Variants in PLA1A observed in about 807,000 individuals in gnomAD.
PLA1A encodes phospholipase A1 member A.
Under a neutral mutation model 49.4 loss-of-function variants are expected in PLA1A, and 47 were observed. The observed-to-expected ratio is 0.95, with a 90% CI of 0.75 to 1.21. PLA1A has a LOEUF of 1.21. Among genes scored for constraint, PLA1A ranks in the 50% most tolerant of loss-of-function variants. PLA1A has a pLI of 0.00. For missense variants in PLA1A, 561 were observed against 563.9 expected, an observed-to-expected ratio of 0.99 and a Z score of 0.05; for synonymous variants, 224 against 207.9, an observed-to-expected ratio of 1.08 and a Z score of -0.67.
At chr3:119,617,874 T>G in intron 6 of PLA1A, 145 bp from the exon 7 acceptor site, 1 of 575,242 alleles carries the variant, frequency 1.7e-6, no homozygotes. Flanking sequence ...CCATGTACAC[T>G]AATATTCTGA....
chr3:119,601,094 A>G (rs1475067544), intron 1 of PLA1A, among the ~76,000 whole-genome samples: 1 of 152,202 alleles, frequency 6.6e-6, no homozygotes, highest in Non-Finnish European at 1.5e-5. Flanking sequence ...ATTTGATAAC[A>G]AAGTGTCTGA....
At chr3:119,606,612 T>A (rs1309972416) in intron 1 of PLA1A, among the ~76,000 whole-genome samples, 162 bp from the exon 2 acceptor site, 1 of 152,222 alleles carries the variant, frequency 6.6e-6, no homozygotes, top group Non-Finnish European at 1.5e-5. Flanking sequence ...ACAGAAGTGA[T>A]GAAGGCTGTA....
intron 7 of PLA1A, among the ~76,000 whole-genome samples, chr3:119,618,707 T>G (rs966515076): frequency 3.3e-5 from 5 of 152,118 alleles, no homozygotes; most frequent in African/African-American, 4.8e-5. Context: ...GGCTGCAGGA[T>G]CTGGCCTCTA....
chr3:119,612,055 A>G (rs2688647), intron 4 of PLA1A, among the ~76,000 whole-genome samples: 40,601 of 152,020 alleles, frequency 0.27, 7,304 homozygotes, highest in African/African-American at 0.49. Context: ...GGAGTTGTGT[A>G]GCAAAAACCC....
chr3:119,600,359 G>T lies in PLA1A; in HGVS notation c.73+2373G>T, dbSNP rs557824386. 2.8e-5 allele frequency: 20 copies of T among 702,764 alleles called. No homozygotes were observed. The African/African-American group carries it at 3.3e-4, about 12-fold the overall frequency. The allele number at this position is 702,764 out of a possible 1,614,324, so 43.5% of individuals were successfully genotyped here. On this transcript the variant is annotated intron_variant, in intron 1 of 10. Coordinates refer to ENST00000273371, the MANE Select transcript of PLA1A (RefSeq NM_015900.4). ...GCCCTTGAGCTTCCAGGCTGGCTCA[G>T]GCGTCCTCTCCTCCAGGTGGATGCA... is the stretch of plus-strand genomic sequence containing the variant.
chr3:119,622,374 C>T (rs1208125778), intron 8 of PLA1A, among the ~76,000 whole-genome samples: 3 of 152,170 alleles, frequency 2.0e-5, no homozygotes, highest in Non-Finnish European at 4.4e-5. Flanking sequence ...TCCAGTTCAG[C>T]CCTTGCCCGT....
intron 8 of PLA1A, among the ~76,000 whole-genome samples, chr3:119,621,329 G>T (rs1456502514): frequency 6.6e-6 from 1 of 152,230 alleles, no homozygotes; most frequent in African/African-American, 2.4e-5. Flanking sequence ...GCGTAGCCCT[G>T]TTGGTTCCAA....
chr3:119,599,115 T>C (rs530251150), intron 1 of PLA1A, among the ~76,000 whole-genome samples: 19 of 152,234 alleles, frequency 1.2e-4, no homozygotes, highest in African/African-American at 4.3e-4. Flanking sequence ...TCTGTCTGGG[T>C]CGGGCTAACC....
chr3:119,597,906 G>C lies in PLA1A; in HGVS notation c.-8G>C. 2 of 1,598,084 alleles carry C rather than the reference G, an allele frequency of 1.3e-6. No individual in the cohort carries two copies. Reference sequence around the variant, plus strand: ...CTCCATACCAGCTCTGAGATTTCCAGCTCAGCGATGCCCCCAGGTCCCTGG... The same window carrying C: ...CTCCATACCAGCTCTGAGATTTCCACCTCAGCGATGCCCCCAGGTCCCTGG... On this transcript the variant is annotated 5_prime_UTR_variant, in exon 1 of 11. Coordinates refer to ENST00000273371, the MANE Select transcript of PLA1A (RefSeq NM_015900.4).
Position 119,600,291 on chromosome 3 carries a change from T to C in PLA1A, c.73+2305T>C. On this transcript the variant is annotated intron_variant, in intron 1 of 10. Transcript: ENST00000273371. ...ACCCCAGTCACACCTAGTTTTTCCT[T>C]GGACTGTGGAGCTTTAGATTGTTGA... 3 of 679,246 alleles carry C rather than the reference T, an allele frequency of 4.4e-6. No individual in the cohort carries two copies. The South Asian group carries it at 4.7e-5, about 11-fold the overall frequency. 42.1% of individuals were successfully genotyped at this position (679,246 alleles called of 1,614,324 possible).
chr3:119,600,481 G>T, intron 1 of PLA1A: 2 of 691,938 alleles, frequency 2.9e-6, no homozygotes, highest in Non-Finnish European at 5.3e-6. Flanking sequence ...TTGCTGTGGG[G>T]CCTGCTTATT....
intron 4 of PLA1A, among the ~76,000 whole-genome samples, chr3:119,612,100 G>A (rs2082771261): frequency 6.6e-6 from 1 of 152,154 alleles, no homozygotes; most frequent in Non-Finnish European, 1.5e-5. Context: ...ATAATTTTGG[G>A]TCTTGTTTTA....
chr3:119,623,445 C>T (rs746099162), intron 8 of PLA1A, among the ~76,000 whole-genome samples: 6 of 152,164 alleles, frequency 3.9e-5, no homozygotes, highest in Non-Finnish European at 7.4e-5. Flanking sequence ...CTATGCCTGG[C>T]CTGTAATCTT....
rs745470509 is a variant in PLA1A, at chr3:119,606,926, T to C, written c.226T>C (p.Ser76Pro). ...LVEGSSDLQN[S>P]GFNATLGTKL... ...AGAAGGAAGCAGTGACCTCCAAAAC[T>C]CTGGGTTCAATGCCACTCTGGGAAC... The change falls in exon 2 of 11, where the codon TCT becomes CCT. Residue 76 changes from serine to proline, a missense_variant. By Grantham distance (74) the Ser-to-Pro change is moderately conservative. Coordinates refer to ENST00000273371, the MANE Select transcript of PLA1A (RefSeq NM_015900.4). 1.2e-6 allele frequency: 2 copies of C among 1,614,064 alleles called. No homozygotes were observed. Among genetic ancestry groups the C allele is most frequent in the Admixed American group, 3.3e-5 (2 of 60,006 alleles).
rs1577156391 is a variant in PLA1A, at chr3:119,625,293, A to G, written c.1121+61A>G. 4.8e-6 allele frequency: 5 copies of G among 1,032,070 alleles called. No homozygotes were observed. In the East Asian group the frequency reaches 1.2e-4, roughly 25 times the overall value. The allele number at this position is 1,032,070 out of a possible 1,614,324, so 63.9% of individuals were successfully genotyped here. On this transcript the variant is annotated intron_variant, in intron 9 of 10. Coordinates refer to ENST00000273371, the MANE Select transcript of PLA1A (RefSeq NM_015900.4). ...TAGGAGTTGGTTACTTTTTCATTTT[A>G]CACACATGGACATCCCAGGTCAGGG...
At chr3:119,614,577 G>C (rs147133748) in intron 5 of PLA1A, among the ~76,000 whole-genome samples, 387 of 137,760 alleles carry the variant, frequency 2.8e-3, no homozygotes, top group African/African-American at 0.01. Flanking sequence ...CTGCACTCCA[G>C]CCTGGGTGAC....
At chr3:119,606,737 C>T (rs112200777) in intron 1 of PLA1A, 37 bp from the exon 2 acceptor site, 25 of 1,546,624 alleles carry the variant, frequency 1.6e-5, no homozygotes, top group Admixed American at 8.4e-5. Flanking sequence ...GATGACCTCA[C>T]CTTGGATGTT....
chr3:119,629,441 C>A lies in PLA1A; in HGVS notation c.1344C>A (p.Ser448=). 3 of 1,609,606 alleles carry A rather than the reference C, an allele frequency of 1.9e-6. No homozygotes were observed. The highest frequency in any genetic ancestry group is 2.6e-6 in the Non-Finnish European group (3 of 1,176,300). ...PVNLQASVTV[S]CDLKIACV The stretch of plus-strand genomic sequence containing the variant: ...ACTTACAAGCAAGTGTGACTGTTTC[C>A]TGTGACCTGAAGATAGCCTGTGTGT... Residue 448 remains serine (S), a synonymous_variant, in exon 11 of 11, where the codon TCC becomes TCA. Transcript: ENST00000273371.
At chr3:119,627,371 G>A (rs942301851) in intron 9 of PLA1A, among the ~76,000 whole-genome samples, 4 of 152,044 alleles carry the variant, frequency 2.6e-5, no homozygotes, top group Non-Finnish European at 5.9e-5. Flanking sequence ...CATATTCCTT[G>A]TATTTTACAA....
Sources: gnomAD v4.1 joint callset for allele counts (sites outside exome capture counted in the v4.1 genomes callset) on GRCh38, gnomAD v4.1.1 for gene constraint, MANE v1.5 for transcripts, NCBI Gene and HGNC (gene_info 2026-07-23, HGNC 2026-07-21) for gene names.